Variants in SLC24A2 observed in about 807,000 individuals in gnomAD.
SLC24A2 encodes sodium/potassium/calcium exchanger 2.
A neutral mutation model predicts 62.0 loss-of-function variants in SLC24A2; 36 were observed. The observed-to-expected ratio is 0.58, with a 90% confidence interval of 0.44 to 0.77. SLC24A2 has a LOEUF of 0.77. SLC24A2 is among the 30% of genes least tolerant of loss of function. The pLI is 0.00. For synonymous variants in SLC24A2, 358 were observed against 294.0 expected, an observed-to-expected ratio of 1.22 and a Z score of -2.23; for missense variants, 846 against 817.9, an observed-to-expected ratio of 1.03 and a Z score of -0.42.
the SLC24A2 span, among the ~76,000 whole-genome samples, chr9:20,298,918 A>C: frequency 6.6e-6 from 1 of 152,152 alleles, no homozygotes; most frequent in South Asian, 2.1e-4. Context: ...TATGACTCTA[A>C]GTTCTTAATA....
upstream of SLC24A2, among the ~76,000 whole-genome samples, chr9:19,792,972 TAA>T (rs1823338132): frequency 6.6e-6 from 1 of 152,146 alleles, no homozygotes; most frequent in Non-Finnish European, 1.5e-5. Context: ...GGGTTATTTT[TAA>T]AAGACTCCTG....
chr9:19,833,969 C>T, the SLC24A2 span, among the ~76,000 whole-genome samples: 3 of 152,214 alleles, frequency 2.0e-5, no homozygotes, highest in Admixed American at 1.3e-4. Context: ...CAAACAGGGT[C>T]TGGAGTGGAC....
chr9:19,798,448 T>A, the SLC24A2 span, among the ~76,000 whole-genome samples: 22 of 152,186 alleles, frequency 1.4e-4, no homozygotes, highest in African/African-American at 4.6e-4. Flanking sequence ...TTCTTACTTG[T>A]ACAATTTTTA....
the SLC24A2 span, among the ~76,000 whole-genome samples, chr9:20,096,157 A>G: frequency 1.3e-5 from 2 of 152,112 alleles, no homozygotes; most frequent in Non-Finnish European, 2.9e-5. Context: ...GAACCCTAAA[A>G]CAGAATCCTT....
chr9:19,526,806 T>C (rs1833466228), intron 9 of SLC24A2, among the ~76,000 whole-genome samples: 1 of 151,894 alleles, frequency 6.6e-6, no homozygotes, highest in Non-Finnish European at 1.5e-5. Flanking sequence ...TTCCTTTTCC[T>C]TTTTAATGGT....
chr9:19,779,877 G>T (rs1292330789), intron 2 of SLC24A2, among the ~76,000 whole-genome samples: 2 of 145,712 alleles, frequency 1.4e-5, no homozygotes, highest in Admixed American at 7.0e-5. Flanking sequence ...GGCTAACATG[G>T]TGAAACCCCG....
At chr9:20,046,129 T>C in the SLC24A2 span, among the ~76,000 whole-genome samples, 136 of 152,348 alleles carry the variant, frequency 8.9e-4, 1 homozygote, top group South Asian at 1.2e-3. Flanking sequence ...CTGTAAGTTA[T>C]CTTTCATGGT....
the SLC24A2 span, among the ~76,000 whole-genome samples, chr9:20,202,441 T>A: frequency 7.9e-5 from 12 of 152,258 alleles, no homozygotes; most frequent in East Asian, 2.3e-3. Context: ...CAGGCGCATT[T>A]GTGTTGAAGT....
At chr9:20,229,352 C>A in the SLC24A2 span, among the ~76,000 whole-genome samples, 70 of 152,112 alleles carry the variant, frequency 4.6e-4, no homozygotes, top group Non-Finnish European at 8.7e-4. Context: ...TGAATATCTA[C>A]CTCATCAGTT....
At chr9:20,274,091 C>A in the SLC24A2 span, among the ~76,000 whole-genome samples, 10 of 152,318 alleles carry the variant, frequency 6.6e-5, no homozygotes, top group Admixed American at 6.5e-4. Flanking sequence ...CTGTTCTGAG[C>A]ACTGAGGATA....
chr9:19,697,199 T>A (rs1456103640), intron 2 of SLC24A2, among the ~76,000 whole-genome samples: 1 of 152,204 alleles, frequency 6.6e-6, no homozygotes, highest in African/African-American at 2.4e-5. Flanking sequence ...ATTGAAATAA[T>A]GACTTCTGAA....
At chr9:20,275,161 C>T in the SLC24A2 span, among the ~76,000 whole-genome samples, 10 of 152,132 alleles carry the variant, frequency 6.6e-5, no homozygotes, top group East Asian at 7.7e-4. Context: ...AGCAGTGGGG[C>T]CTGAAGCTAA....
intron 2 of SLC24A2, among the ~76,000 whole-genome samples, chr9:19,692,712 T>G (rs977252140): frequency 1.3e-5 from 2 of 152,182 alleles, no homozygotes; most frequent in Admixed American, 6.5e-5. Context: ...CTGTGTTTAT[T>G]GTCTCCTTCC....
chr9:20,239,854 G>T, the SLC24A2 span, among the ~76,000 whole-genome samples: 12 of 149,522 alleles, frequency 8.0e-5, no homozygotes, highest in African/African-American at 2.7e-4. Context: ...GTATGAAAAT[G>T]CTTGAGTTTC....
At chr9:20,010,845 T>C in the SLC24A2 span, among the ~76,000 whole-genome samples, 5 of 147,476 alleles carry the variant, frequency 3.4e-5, no homozygotes, top group Non-Finnish European at 5.9e-5. Flanking sequence ...CACCTATGAG[T>C]GAGAACATGT....
At chr9:19,894,545 A>G in the SLC24A2 span, among the ~76,000 whole-genome samples, 2 of 152,150 alleles carry the variant, frequency 1.3e-5, no homozygotes, top group Non-Finnish European at 2.9e-5. Flanking sequence ...CTAGCATTTT[A>G]CAGGTATTCA....
the SLC24A2 span, among the ~76,000 whole-genome samples, chr9:20,265,574 A>G: frequency 6.6e-6 from 1 of 152,316 alleles, no homozygotes; most frequent in African/African-American, 2.4e-5. Context: ...TCGTTTTCAT[A>G]AGCTGAGGAG....
At chr9:20,202,454 G>T in the SLC24A2 span, among the ~76,000 whole-genome samples, 776 of 152,284 alleles carry the variant, frequency 5.1e-3, 5 homozygotes, top group Admixed American at 0.022. Flanking sequence ...GTTGAAGTCT[G>T]GTTAATGCCT....
chr9:19,535,483 T>C (rs1368893161), intron 8 of SLC24A2, among the ~76,000 whole-genome samples: 1 of 152,224 alleles, frequency 6.6e-6, no homozygotes, highest in African/African-American at 2.4e-5. Flanking sequence ...TTTACGGTTT[T>C]AGGTCTTAAG....
Sources: gnomAD v4.1 joint callset for allele counts (sites outside exome capture counted in the v4.1 genomes callset) on GRCh38, gnomAD v4.1.1 for gene constraint, MANE v1.5 for transcripts, NCBI Gene and HGNC (gene_info 2026-07-23, HGNC 2026-07-21) for gene names.